Variants in KCNH1 observed in about 807,000 individuals in gnomAD.
KCNH1 encodes potassium voltage-gated channel subfamily H member 1.
In KCNH1, 27 loss-of-function variants were observed where a neutral mutation model predicts 69.2. That is an observed-to-expected ratio of 0.39 (90% CI 0.29 to 0.54). KCNH1 has a LOEUF of 0.54. Among genes scored for constraint, KCNH1 ranks in the 20% least tolerant of loss-of-function variants. KCNH1 has a pLI of 0.68. For synonymous variants in KCNH1, 456 were observed against 487.7 expected (o/e 0.93, Z 0.86); for missense variants, 798 against 1,261.6 (o/e 0.63, Z 5.57).
In KCNH1 at chr1:210,738,552, CTTTTTTTTTTTTT is replaced by C. The variant is rs57669878; in HGVS notation, c.2112+36783_2112+36795del. On this transcript the variant is annotated intron_variant, in intron 10 of 10. Coordinates refer to ENST00000271751, the MANE Select transcript of KCNH1 (RefSeq NM_172362.3). ...CTGTATTCCTGGCTTGGCTTTTTTG[CTTTTTTTTTTTTT>C]TTTTTTTTTTTTTTTTCTGAGACAG... Among the ~76,000 whole-genome samples, 418 of 49,158 alleles carry C rather than the reference CTTTTTTTTTTTTT, an allele frequency of 8.5e-3. 2 individuals carry two copies. The highest frequency in any genetic ancestry group is 0.014 in the Non-Finnish European group (346 of 24,366). The allele number at this position is 49,158 out of a possible 152,430, so 32.2% of individuals were successfully genotyped here. A position where few individuals can be genotyped will look rare whatever the true frequency, so the allele number is the denominator to read the frequency against.
At chr1:210,722,599 C>A (rs1222611632) in intron 10 of KCNH1, among the ~76,000 whole-genome samples, 1 of 152,172 alleles carries the variant, frequency 6.6e-6, no homozygotes, top group East Asian at 1.9e-4. Context: ...ATGTTCATTG[C>A]TGTTATCCCT....
At chr1:210,723,848 G>A (rs1457049380) in intron 10 of KCNH1, among the ~76,000 whole-genome samples, 3 of 152,164 alleles carry the variant, frequency 2.0e-5, no homozygotes, top group African/African-American at 7.2e-5. Flanking sequence ...TGCTTTGATG[G>A]CAAACATGCT....
intron 7 of KCNH1, among the ~76,000 whole-genome samples, chr1:210,894,830 C>T (rs79150064): frequency 6.6e-6 from 1 of 152,180 alleles, no homozygotes; most frequent in African/African-American, 2.4e-5. Context: ...TCTGGAGGAA[C>T]CATGAGCTAA....
intron 10 of KCNH1, among the ~76,000 whole-genome samples, chr1:210,694,620 G>A (rs560815006): frequency 1.3e-5 from 2 of 152,354 alleles, no homozygotes; most frequent in East Asian, 3.9e-4. Context: ...GAGCTGGGCA[G>A]GCCCTAGTCC....
intron 6 of KCNH1, among the ~76,000 whole-genome samples, chr1:210,954,139 G>T (rs574562740): frequency 2.5e-4 from 38 of 151,938 alleles, no homozygotes; most frequent in African/African-American, 9.2e-4. Context: ...CCCACCTATG[G>T]GTGAGAACAT....
chr1:210,684,460 T>A (rs1681363908), intron 10 of KCNH1, among the ~76,000 whole-genome samples: 1 of 152,218 alleles, frequency 6.6e-6, no homozygotes, highest in Non-Finnish European at 1.5e-5. Context: ...CCCAGGGGAC[T>A]GTCCTAGCCT....
rs1246876995 is a variant in KCNH1, at chr1:210,679,795, G to A, written c.*3486C>T. ...GGTTGTGGGTAAAACAGTCCCCAGG[G>A]ATTGGATAACAAGAAGAAATCAAGT... is the stretch of plus-strand genomic sequence containing the variant. On this transcript the variant is annotated 3_prime_UTR_variant, in exon 11 of 11. Transcript: ENST00000271751. 6.6e-6 allele frequency: 1 copy of A among 152,182 alleles called. No homozygotes were observed. Among genetic ancestry groups the A allele is most frequent in the Admixed American group, 6.5e-5 (1 of 15,286 alleles). The allele number at this position is 152,182 out of a possible 1,614,324, so 9.4% of individuals were successfully genotyped here. A position where few individuals can be genotyped will look rare whatever the true frequency, so the allele number is the denominator to read the frequency against.
intron 7 of KCNH1, among the ~76,000 whole-genome samples, chr1:210,845,706 A>C (rs553182767): frequency 1.3e-5 from 2 of 152,276 alleles, no homozygotes; most frequent in South Asian, 4.1e-4. Flanking sequence ...CCTATTCAAC[A>C]TAGTGTTGGA....
intron 6 of KCNH1, among the ~76,000 whole-genome samples, chr1:210,951,479 G>A (rs1485840202): frequency 1.3e-5 from 2 of 152,174 alleles, no homozygotes; most frequent in East Asian, 3.8e-4. Flanking sequence ...CACTCCTCTG[G>A]CGTTTAGCTA....
chr1:211,051,137 A>G (rs1444090800), intron 5 of KCNH1, among the ~76,000 whole-genome samples: 5 of 151,962 alleles, frequency 3.3e-5, no homozygotes. Flanking sequence ...AGCTAGGACT[A>G]CAGGTGTGCA....
At chr1:211,090,714 G>T in intron 3 of KCNH1, 24 bp from the exon 4 acceptor site, 4 of 1,590,676 alleles carry the variant, frequency 2.5e-6, no homozygotes, top group Non-Finnish European at 3.4e-6. Context: ...CAAAAGGTTG[G>T]TCAGTAATTT....
chr1:210,755,345 G>A (rs1216733259), intron 10 of KCNH1, among the ~76,000 whole-genome samples: 1 of 149,672 alleles, frequency 6.7e-6, no homozygotes, highest in South Asian at 2.1e-4. Flanking sequence ...ACAAGCTTAA[G>A]ATGAAAGGAC....
chr1:210,977,590 C>T (rs1027007452), intron 6 of KCNH1, among the ~76,000 whole-genome samples: 7 of 152,036 alleles, frequency 4.6e-5, no homozygotes, highest in African/African-American at 1.7e-4. Flanking sequence ...TATTTGTCTT[C>T]CTGTGCCTGA....
chr1:210,688,958 TCCTG>T (rs1442350588), intron 10 of KCNH1, among the ~76,000 whole-genome samples: 1 of 152,108 alleles, frequency 6.6e-6, no homozygotes, highest in African/African-American at 2.4e-5. Context: ...CCAGCTAGAG[TCCTG>T]CCAGCCCACA....
chr1:210,939,089 C>T (rs749768686), intron 6 of KCNH1, among the ~76,000 whole-genome samples: 32 of 152,122 alleles, frequency 2.1e-4, no homozygotes, highest in Non-Finnish European at 8.8e-5. Context: ...GCTGGACATG[C>T]CCTCCTCTAG....
intron 1 of KCNH1, among the ~76,000 whole-genome samples, chr1:211,125,141 GAAC>G (rs1367696895): frequency 1.3e-5 from 2 of 152,200 alleles, no homozygotes; most frequent in East Asian, 1.9e-4. Context: ...TCGCAGGAAA[GAAC>G]AACAAGAATA....
At chr1:210,863,030 T>A (rs1686014290) in intron 7 of KCNH1, among the ~76,000 whole-genome samples, 1 of 152,172 alleles carries the variant, frequency 6.6e-6, no homozygotes, top group Non-Finnish European at 1.5e-5. Context: ...TAGGCTTTGA[T>A]GACTTGTGTT....
intron 5 of KCNH1, among the ~76,000 whole-genome samples, chr1:211,048,230 G>A (rs1690129448): frequency 2.0e-5 from 3 of 152,260 alleles, no homozygotes; most frequent in South Asian, 4.1e-4. Flanking sequence ...TTACACTGCC[G>A]GTGTGAATGT....
At chr1:211,063,751 A>C (rs1031571035) in intron 5 of KCNH1, 1 of 150,000 alleles carries the variant, frequency 6.7e-6, no homozygotes, top group African/African-American at 2.4e-5. Context: ...GGGAGAAAAA[A>C]AAAAAGAGAG....
Sources: gnomAD v4.1 joint callset for allele counts (sites outside exome capture counted in the v4.1 genomes callset) on GRCh38, gnomAD v4.1.1 for gene constraint, MANE v1.5 for transcripts, NCBI Gene and HGNC (gene_info 2026-07-23, HGNC 2026-07-21) for gene names.